Variants in ADGRG2 observed in about 807,000 individuals in gnomAD.
ADGRG2 encodes G protein-coupled receptor 64.
In ADGRG2, 26 loss-of-function variants were observed where a neutral mutation model predicts 74.1. The ratio of observed to expected loss-of-function variants is 0.35; its 90% CI spans 0.26 to 0.49. The LOEUF (loss-of-function observed/expected upper bound fraction) is 0.49. Among genes scored for constraint, ADGRG2 ranks in the 20% least tolerant of loss-of-function variants. The pLI, the probability that ADGRG2 is intolerant of heterozygous loss-of-function variation, is 0.99. For missense variants in ADGRG2, 619 were observed against 763.1 expected (o/e 0.81, Z 2.22); for synonymous variants, 296 against 295.2 (o/e 1.00, Z -0.03).
chrX:19,013,828 G>A lies in ADGRG2; in HGVS notation c.957C>T (p.Pro319=), dbSNP rs1233893461. ...PIASSPAIDM[P]PQSETISSPM... ...GGGAAGAGATCGTTTCAGACTGTGG[G>A]GGCATGTCAATGGCAGGGCTGGAAG... The change falls in exon 16 of 29, where the codon CCC becomes CCT. Residue 319 remains proline (P), a synonymous_variant. Coordinates refer to ENST00000379869, the MANE Select transcript of ADGRG2 (RefSeq NM_001079858.3). 3 of 1,205,880 alleles carry A rather than the reference G, an allele frequency of 2.5e-6. No individual in the cohort carries two copies. Among genetic ancestry groups the A allele is most frequent in the South Asian group, 3.6e-5 (2 of 55,771 alleles).
chrX:19,014,681 G>A (rs1164120944), intron 15 of ADGRG2, among the ~76,000 whole-genome samples: 1 of 111,344 alleles, frequency 9.0e-6, no homozygotes, highest in Admixed American at 9.6e-5. Context: ...CACCCAGGCT[G>A]GGGTGCAGTG....
At chrX:19,058,943 T>G (rs2061444523) in intron 3 of ADGRG2, among the ~76,000 whole-genome samples, 1 of 112,639 alleles carries the variant, frequency 8.9e-6, no homozygotes. Flanking sequence ...CTTTTATGCC[T>G]TAGATCACTC....
At chrX:19,076,234 T>C (rs2061746002) in intron 2 of ADGRG2, among the ~76,000 whole-genome samples, 1 of 111,675 alleles carries the variant, frequency 9.0e-6, no homozygotes, top group Admixed American at 9.5e-5. Flanking sequence ...AATGTTTGGA[T>C]TGGGAATTCC....
chrX:19,067,997 C>T (rs763370818), intron 3 of ADGRG2, among the ~76,000 whole-genome samples: 4 of 112,422 alleles, frequency 3.6e-5, no homozygotes, highest in Non-Finnish European at 7.5e-5. Flanking sequence ...GAATGGGAGA[C>T]ACTGGAATTC....
At chrX:19,086,384 T>C (rs766834636) in intron 1 of ADGRG2, among the ~76,000 whole-genome samples, 5 of 111,490 alleles carry the variant, frequency 4.5e-5, no homozygotes, top group South Asian at 3.8e-4. Context: ...CAGTTGCAGA[T>C]TGCCCCAAAC....
At chrX:19,068,682 GAAA>G in intron 3 of ADGRG2, 32 bp downstream of exon 3, 1 of 507,564 alleles carries the variant, frequency 2.0e-6, no homozygotes, top group Non-Finnish European at 3.0e-6. Context: ...CAGATAAACA[GAAA>G]AAAAAAAAAT....
intron 3 of ADGRG2, among the ~76,000 whole-genome samples, chrX:19,059,229 T>G (rs1385327979): frequency 9.0e-6 from 1 of 111,556 alleles, no homozygotes; most frequent in Non-Finnish European, 1.9e-5. Flanking sequence ...AGAAAACCAT[T>G]TTTAATGCTT....
chrX:19,122,919 G>C (rs1031579951), upstream of ADGRG2, among the ~76,000 whole-genome samples: 1 of 112,174 alleles, frequency 8.9e-6, no homozygotes, highest in African/African-American at 3.2e-5. Context: ...GGCTCGCCCC[G>C]GTACCCATAT....
At position 19,006,226 on chromosome X, in the gene ADGRG2, T is replaced by C; in HGVS notation, c.1729A>G (p.Arg577Gly). Residue 577 changes from arginine (R) to glycine (G), a missense_variant, in exon 21 of 29, where the codon AGA (arginine) becomes GGA (glycine). Arg to Gly is a moderately radical substitution (Grantham distance 125). Around this residue, in one of 3 missense-constraint regions of ADGRG2, gnomAD observed 221 missense variants for 340.6 expected, o/e 0.65. Coordinates refer to ENST00000379869, the MANE Select transcript of ADGRG2 (RefSeq NM_001079858.3). ...TVRCVFWDLG[R>G]NGGRGGWSDN... ...GGTTATGACTGGAACTTACCATTTC[T>C]GCCCAAGTCCCAAAATACACATCTC... 1 of 1,180,995 alleles carries C rather than the reference T, an allele frequency of 8.5e-7. No homozygotes were observed. Among genetic ancestry groups the C allele is most frequent in the Non-Finnish European group, 1.2e-6 (1 of 868,202 alleles).
rs150311132 is a variant in ADGRG2, at chrX:19,109,616, C to A, written c.-47+12826G>T. ...ATCACTTGTGTTATACCAGAGCTAA[C>A]GTTGAAATGGGCACAGGAAATGATA... On this transcript the variant is annotated intron_variant, in intron 1 of 28. Transcript: ENST00000379869. 4.9e-3 allele frequency among the ~76,000 whole-genome samples: 551 copies of A among 111,728 alleles called. 4 individuals are homozygous for A. Among genetic ancestry groups the A allele is most frequent in the African/African-American group, 0.017 (519 of 30,771 alleles).
At chrX:19,051,166 C>T (rs1321397502) in intron 3 of ADGRG2, among the ~76,000 whole-genome samples, 2 of 111,951 alleles carry the variant, frequency 1.8e-5, no homozygotes, top group African/African-American at 6.5e-5. Context: ...GCTCCGCCTT[C>T]CTGGTTCACA....
At chrX:18,997,937 G>A (rs1481124533) in intron 26 of ADGRG2, among the ~76,000 whole-genome samples, 1 of 112,757 alleles carries the variant, frequency 8.9e-6, no homozygotes, top group Non-Finnish European at 1.9e-5. Flanking sequence ...AAACCTAATA[G>A]CCTGCTGGGC....
chrX:19,078,234 G>A (rs1400388615), intron 2 of ADGRG2, among the ~76,000 whole-genome samples: 2 of 111,961 alleles, frequency 1.8e-5, no homozygotes, highest in Admixed American at 1.9e-4. Context: ...TAACCCATGG[G>A]TCAAAGAAGT....
At chrX:19,108,365 G>C (rs2062353127) in intron 1 of ADGRG2, among the ~76,000 whole-genome samples, 1 of 111,279 alleles carries the variant, frequency 9.0e-6, no homozygotes. Context: ...ATTCAGAGGA[G>C]AAAATAATTG....
chrX:19,059,141 G>A (rs1290677381), intron 3 of ADGRG2, among the ~76,000 whole-genome samples: 4 of 111,562 alleles, frequency 3.6e-5, no homozygotes, highest in Non-Finnish European at 7.5e-5. Flanking sequence ...CATGATTGTT[G>A]CGCCTGTGAA....
At chrX:19,054,544 G>A (rs1466127822) in intron 3 of ADGRG2, among the ~76,000 whole-genome samples, 2 of 112,177 alleles carry the variant, frequency 1.8e-5, no homozygotes, top group Admixed American at 9.5e-5. Context: ...CAAAGATAAC[G>A]TTAGCTGGCT....
intron 2 of ADGRG2, among the ~76,000 whole-genome samples, chrX:19,079,477 G>A (rs2061807378): frequency 8.9e-6 from 1 of 112,078 alleles, no homozygotes; most frequent in Non-Finnish European, 1.9e-5. Flanking sequence ...TTGAAGATAA[G>A]GTCACCAAGA....
intron 1 of ADGRG2, among the ~76,000 whole-genome samples, chrX:19,094,461 G>A (rs751245085): frequency 1.8e-5 from 2 of 110,780 alleles, no homozygotes; most frequent in African/African-American, 3.3e-5. Context: ...GACAACGCAC[G>A]CACATTGGGA....
chrX:19,092,258 C>T (rs1211271230), intron 1 of ADGRG2, among the ~76,000 whole-genome samples: 1 of 112,164 alleles, frequency 8.9e-6, no homozygotes, highest in Middle Eastern at 4.2e-3. Flanking sequence ...TAGTCACATA[C>T]AATTTCTACA....
Sources: allele counts gnomAD v4.1 joint callset (sites outside exome capture counted in the v4.1 genomes callset), GRCh38; gene constraint gnomAD v4.1.1; regional missense constraint gnomAD v4.1.1; transcripts MANE v1.5; gene names NCBI Gene and HGNC (gene_info 2026-07-23, HGNC 2026-07-21).